The following TRMT11 variants were observed in gnomAD, a reference collection of about 807,000 sequenced individuals.
The protein encoded by TRMT11 is tRNA (guanine(10)-N(2))-methyltransferase TRMT11.
TRMT11 carries 53 observed loss-of-function variants against 62.8 expected under a neutral mutation model. That is an observed-to-expected ratio of 0.84 (90% confidence interval 0.68 to 1.06). The LOEUF (loss-of-function observed/expected upper bound fraction) is 1.06. Among genes scored for constraint, TRMT11 ranks in the 50% least tolerant of loss-of-function variants. TRMT11 has a pLI of 0.00. For synonymous variants in TRMT11, 188 were observed against 190.3 expected, an observed-to-expected ratio of 0.99 and a Z score of 0.10; for missense variants, 556 against 553.4, an observed-to-expected ratio of 1.00 and a Z score of -0.05.
intron 21 of TRMT11, among the ~76,000 whole-genome samples, chr6:126,148,240 G>A (rs910303851): frequency 1.4e-4 from 22 of 152,156 alleles, no homozygotes; most frequent in African/African-American, 4.6e-4. Flanking sequence ...CCAGAAGACC[G>A]TCTTACCTGG....
the TRMT11 span, among the ~76,000 whole-genome samples, chr6:126,224,867 C>T: frequency 3.3e-5 from 5 of 152,188 alleles, no homozygotes; most frequent in African/African-American, 7.2e-5. Context: ...CAGGCAAGTG[C>T]GTGCTGGTCG....
intron 16 of TRMT11, among the ~76,000 whole-genome samples, chr6:126,053,030 G>A (rs1776262516): frequency 6.6e-6 from 1 of 152,146 alleles, no homozygotes; most frequent in Non-Finnish European, 1.5e-5. Flanking sequence ...CTCCTATGGC[G>A]GGGGATGTCA....
intron 21 of TRMT11, among the ~76,000 whole-genome samples, chr6:126,158,180 C>T (rs894756569): frequency 6.6e-6 from 1 of 152,066 alleles, no homozygotes; most frequent in African/African-American, 2.4e-5. Context: ...GTAATTTAGT[C>T]TTTTCCATTA....
chr6:126,016,812 C>T (rs768077593), intron 11 of TRMT11, among the ~76,000 whole-genome samples: 2 of 151,764 alleles, frequency 1.3e-5, no homozygotes, highest in Non-Finnish European at 2.9e-5. Flanking sequence ...GTTTTTGGCC[C>T]CTGGAGAGGG....
At position 126,013,102 on chromosome 6, in the gene TRMT11, G is replaced by GT. The variant is rs750902636; in HGVS notation, c.1139+2dup. The GT allele has an allele frequency of 6.3e-7, 1 of 1,598,588 alleles. No individual in the cohort carries two copies. The highest frequency in any genetic ancestry group is 1.8e-5 in the Admixed American group (1 of 56,110). Reference sequence around the variant, plus strand: ...ATTGGTTACCGGTGTATACGCCAGAGTATGTAATCTTAATTTTATTTTTAA... The same window carrying GT: ...ATTGGTTACCGGTGTATACGCCAGAGTTATGTAATCTTAATTTTATTTTTAA... On this transcript the variant is annotated splice_donor_variant, in intron 11 of 12. Coordinates refer to ENST00000334379, the MANE Select transcript of TRMT11 (RefSeq NM_001031712.3). LOFTEE classifies it high-confidence loss of function.
Position 126,137,437 on chromosome 6 carries a change from C to T in TRMT11, c.*1823+21582C>T, listed in dbSNP as rs559124736. Among the ~76,000 whole-genome samples the T allele has an allele frequency of 7.9e-5, 12 of 151,652 alleles. No individual in the cohort carries two copies. In the East Asian group the frequency reaches 2.3e-3, roughly 29 times the overall value. The stretch of plus-strand genomic sequence containing the variant: ...GGGAAATGCAAATCAAAACCACAAT[C>T]AGATATTATCTGATTGGCTTTATCA... On this transcript the variant is annotated intron_variant and NMD_transcript_variant, in intron 21 of 22. Coordinates refer to the TRMT11 transcript ENST00000648977.
downstream of TRMT11, among the ~76,000 whole-genome samples, chr6:126,042,064 C>CT (rs1447057993): frequency 6.6e-6 from 1 of 152,076 alleles, no homozygotes; most frequent in African/African-American, 2.4e-5. Context: ...TAACAGCAGA[C>CT]TGATGGTGTT....
chr6:126,247,106 G>A, the TRMT11 span, among the ~76,000 whole-genome samples: 2 of 152,080 alleles, frequency 1.3e-5, no homozygotes, highest in South Asian at 2.1e-4. Context: ...GCTGTTCCTC[G>A]CTGTATGGGC....
intron 12 of TRMT11, among the ~76,000 whole-genome samples, chr6:126,031,919 G>A (rs376404762): frequency 4.0e-4 from 61 of 152,100 alleles, no homozygotes; most frequent in African/African-American, 1.4e-3. Flanking sequence ...AAGATGGTGA[G>A]GCTATAAACC....
At chr6:126,184,697 A>C (rs1778506987) in intron 1 of TRMT11, among the ~76,000 whole-genome samples, 1 of 152,144 alleles carries the variant, frequency 6.6e-6, no homozygotes, top group Admixed American at 6.5e-5. Flanking sequence ...ACTGAAGGAA[A>C]GTAGCTGAGA....
At chr6:126,147,525 G>A (rs530154520) in intron 21 of TRMT11, among the ~76,000 whole-genome samples, 1 of 152,230 alleles carries the variant, frequency 6.6e-6, no homozygotes, top group South Asian at 2.1e-4. Flanking sequence ...CACGAACCAG[G>A]AAACACAATC....
intron 7 of TRMT11, among the ~76,000 whole-genome samples, chr6:126,002,993 T>C (rs568116153): frequency 4.1e-4 from 62 of 152,276 alleles, no homozygotes; most frequent in African/African-American, 1.4e-3. Context: ...TTCATGGAGC[T>C]TATCTTTATT....
chr6:126,010,910 A>C (rs961950731), intron 8 of TRMT11, among the ~76,000 whole-genome samples: 1 of 151,978 alleles, frequency 6.6e-6, no homozygotes, highest in African/African-American at 2.4e-5. Context: ...TCTGATTCAT[A>C]CTATCTCTAC....
the TRMT11 span, among the ~76,000 whole-genome samples, chr6:126,237,354 C>T: frequency 6.6e-6 from 1 of 152,096 alleles, no homozygotes; most frequent in Non-Finnish European, 1.5e-5. Context: ...TCTTTATCCA[C>T]CCCCTAGCAG....
intron 17 of TRMT11, among the ~76,000 whole-genome samples, chr6:126,105,816 G>C (rs1777458443): frequency 6.6e-6 from 1 of 152,174 alleles, no homozygotes; most frequent in South Asian, 2.1e-4. Flanking sequence ...ATTCTTGTCT[G>C]TGAGGTTTGC....
chr6:126,095,105 C>T (rs1777326034), intron 17 of TRMT11, among the ~76,000 whole-genome samples: 1 of 152,152 alleles, frequency 6.6e-6, no homozygotes, highest in African/African-American at 2.4e-5. Flanking sequence ...TGGCGCTGAC[C>T]TTGTAATAGC....
At chr6:126,171,821 C>G (rs1036779941) in intron 21 of TRMT11, among the ~76,000 whole-genome samples, 1 of 152,048 alleles carries the variant, frequency 6.6e-6, no homozygotes, top group Non-Finnish European at 1.5e-5. Flanking sequence ...CGGCTTCAAA[C>G]GATTCTCCTG....
the TRMT11 span, among the ~76,000 whole-genome samples, chr6:126,251,326 G>A: frequency 6.6e-6 from 1 of 151,962 alleles, no homozygotes; most frequent in East Asian, 1.9e-4. Flanking sequence ...ACCGCACCCG[G>A]CCCCAATTTT....
intron 7 of TRMT11, among the ~76,000 whole-genome samples, chr6:126,007,263 A>T (rs1194387906): frequency 6.6e-6 from 1 of 151,952 alleles, no homozygotes; most frequent in Non-Finnish European, 1.5e-5. Context: ...ATTCCATGCT[A>T]CCAGACTATG....
Sources: gnomAD v4.1 joint callset for allele counts (sites outside exome capture counted in the v4.1 genomes callset) on GRCh38, gnomAD v4.1.1 for gene constraint, MANE v1.5 for transcripts, NCBI Gene and HGNC (gene_info 2026-07-23, HGNC 2026-07-21) for gene names.